SKAP1: variants seen among roughly 807,000 people sequenced by gnomAD.
SKAP1 encodes the protein src kinase associated phosphoprotein 1.
Under a neutral mutation model 58.5 loss-of-function variants are expected in SKAP1, and 44 were observed. The observed-to-expected ratio is 0.75, with a 90% CI of 0.59 to 0.97. SKAP1 has a LOEUF of 0.97. Ranked by LOEUF, SKAP1 falls within the 50% of genes least tolerant of loss-of-function variation. SKAP1 has a pLI of 0.00. For missense variants in SKAP1, 390 were observed against 435.2 expected (o/e 0.90, Z 0.92); for synonymous variants, 127 against 149.7 (o/e 0.85, Z 1.11).
chr17:48,138,677 G>T (rs2063732368), intron 11 of SKAP1, among the ~76,000 whole-genome samples: 1 of 151,382 alleles, frequency 6.6e-6, no homozygotes, highest in Non-Finnish European at 1.5e-5. Flanking sequence ...GCCACAACTG[G>T]CTAATTTTTT....
intron 3 of SKAP1, among the ~76,000 whole-genome samples, chr17:48,358,202 G>C (rs887816968): frequency 4.6e-5 from 7 of 152,080 alleles, no homozygotes; most frequent in African/African-American, 1.7e-4. Flanking sequence ...ATAAATTTGG[G>C]CTGTGTTTCT....
intron 4 of SKAP1, among the ~76,000 whole-genome samples, chr17:48,313,243 G>A (rs569053065): frequency 2.0e-5 from 3 of 151,898 alleles, no homozygotes; most frequent in Non-Finnish European, 4.4e-5. Context: ...TTCCCCATGC[G>A]TTCCCCTTCA....
At chr17:48,422,297 T>C (rs925093302) in intron 1 of SKAP1, among the ~76,000 whole-genome samples, 2 of 151,282 alleles carry the variant, frequency 1.3e-5, no homozygotes, top group Non-Finnish European at 3.0e-5. Context: ...TGACTGGGAG[T>C]TTTACTGTGG....
At chr17:48,383,787 G>C (rs2067245841) in intron 2 of SKAP1, among the ~76,000 whole-genome samples, 1 of 148,470 alleles carries the variant, frequency 6.7e-6, no homozygotes, top group South Asian at 2.1e-4. Flanking sequence ...AGCAATCTCG[G>C]CTCACTGCAA....
chr17:48,289,770 T>G (rs1380985290), intron 4 of SKAP1, among the ~76,000 whole-genome samples: 4 of 151,040 alleles, frequency 2.6e-5, no homozygotes, highest in Non-Finnish European at 5.9e-5. Flanking sequence ...TATGCACCAA[T>G]AAGTATATAT....
intron 6 of SKAP1, chr17:48,185,893 T>C (rs1663112907): frequency 6.6e-6 from 1 of 152,184 alleles, no homozygotes; most frequent in Admixed American, 6.5e-5. Context: ...TCTCTCCTTG[T>C]TCTAACTGGC....
intron 11 of SKAP1, among the ~76,000 whole-genome samples, chr17:48,143,681 C>G (rs1598358780): frequency 6.6e-6 from 1 of 152,340 alleles, no homozygotes; most frequent in Middle Eastern, 3.4e-3. Context: ...AGCTCTTCTG[C>G]TATCTCACAG....
At chr17:48,213,199 G>C (rs1044926365) in intron 4 of SKAP1, among the ~76,000 whole-genome samples, 2 of 151,928 alleles carry the variant, frequency 1.3e-5, no homozygotes, top group African/African-American at 4.8e-5. Context: ...AAAATTAGCC[G>C]GGTGTGGTGG....
rs373452898 is a variant in SKAP1 at position 48,345,983 on chromosome 17, A to G, written c.202T>C (p.Ser68Pro). The G allele has an allele frequency of 1.2e-6, 2 of 1,612,330 alleles. No homozygotes were observed. The highest frequency in any genetic ancestry group is 2.7e-5 in the African/African-American group (2 of 74,830). The change falls in exon 4 of 13, where the codon TCT becomes CCT. Residue 68 changes from serine to proline, a missense_variant. Transcript: ENST00000336915. ...PQGGDIGQDS[S>P]DDNHSGTLGL... ...AGAGTCCCGCTGTGATTATCATCAG[A>G]GCTGTCCTGTCCAATGTCTCCCCCT... is the stretch of plus-strand genomic sequence containing the variant.
chr17:48,270,168 G>C (rs1440081358), intron 4 of SKAP1, among the ~76,000 whole-genome samples: 2 of 152,054 alleles, frequency 1.3e-5, no homozygotes, highest in African/African-American at 4.8e-5. Context: ...GAAAAACATA[G>C]TGAAATTTTA....
chr17:48,166,081 T>C (rs957201681), intron 10 of SKAP1, among the ~76,000 whole-genome samples: 2 of 152,178 alleles, frequency 1.3e-5, no homozygotes, highest in African/African-American at 4.8e-5. Flanking sequence ...ACACCACTAA[T>C]AACTAAAACA....
intron 3 of SKAP1, among the ~76,000 whole-genome samples, chr17:48,347,130 G>T (rs2066733280): frequency 6.6e-6 from 1 of 152,132 alleles, no homozygotes; most frequent in Non-Finnish European, 1.5e-5. Context: ...GGAAGAAAAG[G>T]CTCTGTATTG....
At chr17:48,200,762 G>A (rs1598421944) in intron 4 of SKAP1, among the ~76,000 whole-genome samples, 1 of 152,328 alleles carries the variant, frequency 6.6e-6, no homozygotes, top group South Asian at 2.1e-4. Context: ...ACTGTAAGGA[G>A]TGTGATACTA....
intron 9 of SKAP1, among the ~76,000 whole-genome samples, chr17:48,176,984 C>T (rs962677231): frequency 1.3e-5 from 2 of 152,166 alleles, no homozygotes; most frequent in Non-Finnish European, 2.9e-5. Context: ...GTTAAATATC[C>T]TCCACAAAGC....
intron 10 of SKAP1, among the ~76,000 whole-genome samples, chr17:48,169,775 G>A (rs960591358): frequency 3.3e-5 from 5 of 152,176 alleles, no homozygotes; most frequent in African/African-American, 9.7e-5. Flanking sequence ...AAAAGACAGG[G>A]CTAGATAATG....
chr17:48,339,732 C>A (rs890517879), intron 4 of SKAP1, among the ~76,000 whole-genome samples: 1 of 152,168 alleles, frequency 6.6e-6, no homozygotes, highest in African/African-American at 2.4e-5. Context: ...ATCCCTGCAT[C>A]ATTAATTCAC....
At chr17:48,307,423 A>G (rs1476282517) in intron 4 of SKAP1, 1 of 152,304 alleles carries the variant, frequency 6.6e-6, no homozygotes, top group African/African-American at 2.4e-5. Flanking sequence ...ACTTGGATCT[A>G]CCAGCAGAGT....
chr17:48,267,267 C>T (rs2065563975), intron 4 of SKAP1, among the ~76,000 whole-genome samples: 2 of 152,064 alleles, frequency 1.3e-5, no homozygotes, highest in African/African-American at 4.8e-5. Context: ...GAAAAAAAGA[C>T]AAAATTAGAT....
chr17:48,133,758 T>C lies in SKAP1; in HGVS notation c.*66A>G, dbSNP rs2063667012. 2 of 152,342 alleles carry C rather than the reference T, an allele frequency of 1.3e-5. No homozygotes were observed. The highest frequency in any genetic ancestry group is 4.2e-4 in the South Asian group (2 of 4,814). 9.4% of individuals were successfully genotyped at this position (152,342 alleles called of 1,614,324 possible). A position where few individuals can be genotyped will look rare whatever the true frequency, so the allele number is the denominator to read the frequency against. ...TTGGTGGGGTGGCAGAAGTAGGGAG[T>C]GGGAACTTTTGATGATCAGTTTCCT... On this transcript the variant is annotated 3_prime_UTR_variant, in exon 13 of 13. Transcript: ENST00000336915.
Sources: allele counts gnomAD v4.1 joint callset (sites outside exome capture counted in the v4.1 genomes callset), GRCh38; gene constraint gnomAD v4.1.1; transcripts MANE v1.5; gene names NCBI Gene and HGNC (gene_info 2026-07-23, HGNC 2026-07-21).